The following FAM135B variants were observed in gnomAD, a reference collection of about 807,000 sequenced individuals.
FAM135B encodes the protein protein FAM135B.
In FAM135B, 43 loss-of-function variants were observed where a neutral mutation model predicts 127.7. The observed-to-expected ratio is 0.34, with a 90% confidence interval of 0.26 to 0.43. The LOEUF (loss-of-function observed/expected upper bound fraction) is 0.43. Among genes scored for constraint, FAM135B ranks in the 20% least tolerant of loss-of-function variants. The pLI is 1.00. For synonymous variants in FAM135B, 670 were observed against 665.1 expected, an observed-to-expected ratio of 1.01 and a Z score of -0.11; for missense variants, 1,558 against 1,725.6, an observed-to-expected ratio of 0.90 and a Z score of 1.72.
At chr8:138,167,283 C>A (rs185565959) in intron 12 of FAM135B, among the ~76,000 whole-genome samples, 2 of 152,236 alleles carry the variant, frequency 1.3e-5, no homozygotes, top group Non-Finnish European at 2.9e-5. Context: ...GCAACCTCTG[C>A]CTCTTGGGAT....
chr8:138,268,222 G>A (rs1317065799), intron 3 of FAM135B, among the ~76,000 whole-genome samples: 7 of 152,172 alleles, frequency 4.6e-5, no homozygotes, highest in African/African-American at 7.2e-5. Flanking sequence ...GACCAGGCAC[G>A]CTCTGGGCAT....
chr8:138,164,231 A>C (rs187307828), intron 12 of FAM135B, among the ~76,000 whole-genome samples: 32 of 152,262 alleles, frequency 2.1e-4, no homozygotes, highest in African/African-American at 7.7e-4. Flanking sequence ...TCCAGTATGG[A>C]GAAGGGGTAC....
At chr8:138,436,801 T>A (rs1026066460) in intron 1 of FAM135B, 10 of 152,190 alleles carry the variant, frequency 6.6e-5, no homozygotes, top group African/African-American at 1.4e-4. Flanking sequence ...CCTTTAAGAT[T>A]TCTGAGTCTT....
chr8:138,374,365 T>C (rs1403171938), intron 1 of FAM135B, among the ~76,000 whole-genome samples: 1 of 152,218 alleles, frequency 6.6e-6, no homozygotes, highest in African/African-American at 2.4e-5. Context: ...GTATTAAAAA[T>C]GTTCTCATTG....
chr8:138,430,923 T>C (rs1310688387), intron 1 of FAM135B, among the ~76,000 whole-genome samples: 3 of 152,172 alleles, frequency 2.0e-5, no homozygotes, highest in Admixed American at 2.0e-4. Context: ...AAAATGGGAA[T>C]ACCACCACGA....
At chr8:138,354,153 C>T (rs1485568569) in intron 2 of FAM135B, among the ~76,000 whole-genome samples, 1 of 152,028 alleles carries the variant, frequency 6.6e-6, no homozygotes, top group Non-Finnish European at 1.5e-5. Flanking sequence ...TCTAATGTGT[C>T]ATTTCTGTTA....
chr8:138,395,051 C>T (rs909262653), intron 1 of FAM135B, among the ~76,000 whole-genome samples: 1 of 152,182 alleles, frequency 6.6e-6, no homozygotes, highest in Non-Finnish European at 1.5e-5. Context: ...CTCTGTTTAA[C>T]CCAGCCCCTG....
intron 7 of FAM135B, among the ~76,000 whole-genome samples, chr8:138,231,513 T>TA (rs1216846253): frequency 1.2e-3 from 183 of 152,260 alleles, no homozygotes; most frequent in African/African-American, 4.3e-3. Flanking sequence ...TAATATAACA[T>TA]TTTATTAAGG....
intron 6 of FAM135B, among the ~76,000 whole-genome samples, chr8:138,250,491 G>A (rs1419969363): frequency 2.0e-5 from 3 of 152,118 alleles, no homozygotes; most frequent in Admixed American, 6.5e-5. Context: ...AAAATCTTAC[G>A]TAGATGGGAC....
intron 1 of FAM135B, among the ~76,000 whole-genome samples, chr8:138,435,741 G>A (rs1157769006): frequency 1.3e-5 from 2 of 152,066 alleles, no homozygotes; most frequent in East Asian, 1.9e-4. Flanking sequence ...ATATTTGAAG[G>A]TCACAACTTG....
Position 138,194,095 on chromosome 8 carries a change from A to C in FAM135B, c.873+1163T>G, listed in dbSNP as rs192642847. ...CCCAAGTGTGGACATTAGGCCTTTG[A>C]CTCGTCTCAGTGGCCTTTACACACT... On this transcript the variant is annotated intron_variant, in intron 9 of 19. Coordinates refer to ENST00000395297, the MANE Select transcript of FAM135B (RefSeq NM_015912.4). Among the ~76,000 whole-genome samples the C allele has an allele frequency of 3.3e-5, 5 of 151,630 alleles. No homozygotes were observed. The East Asian group carries it at 5.8e-4, about 18-fold the overall frequency.
intron 1 of FAM135B, among the ~76,000 whole-genome samples, chr8:138,413,680 C>T (rs1297144427): frequency 6.6e-6 from 1 of 152,202 alleles, no homozygotes; most frequent in Non-Finnish European, 1.5e-5. Context: ...ACAATTTCAA[C>T]ATAAATCTGA....
At chr8:138,207,358 A>G (rs1247435122) in intron 7 of FAM135B, among the ~76,000 whole-genome samples, 3 of 151,616 alleles carry the variant, frequency 2.0e-5, no homozygotes, top group Non-Finnish European at 4.4e-5. Flanking sequence ...ACAGGCTCCC[A>G]TCACCACACC....
chr8:138,286,794 C>T (rs146392587), intron 3 of FAM135B, among the ~76,000 whole-genome samples: 5 of 152,112 alleles, frequency 3.3e-5, no homozygotes, highest in African/African-American at 4.8e-5. Context: ...CAGGGAGCCT[C>T]GGGAGGAGAG....
chr8:138,208,486 A>T (rs1817883986), intron 7 of FAM135B, among the ~76,000 whole-genome samples: 1 of 152,194 alleles, frequency 6.6e-6, no homozygotes, highest in African/African-American at 2.4e-5. Context: ...TTTTATCAGC[A>T]TTTTTAAAAA....
At chr8:138,206,290 G>C (rs796098587) in intron 7 of FAM135B, among the ~76,000 whole-genome samples, 1 of 25,484 alleles carries the variant, frequency 3.9e-5, no homozygotes, top group East Asian at 1.2e-3. Context: ...CCTACGCACA[G>C]CTCTATCATC....
rs1820844316 is a variant in FAM135B, at chr8:138,242,164, TTTGTGTGTGTGTG to T, written c.669+765_669+777del. Among the ~76,000 whole-genome samples the T allele has an allele frequency of 7.4e-6, 1 of 135,208 alleles. No homozygotes were observed. Among genetic ancestry groups the T allele is most frequent in the Non-Finnish European group, 1.6e-5 (1 of 63,844 alleles). 88.7% of individuals were successfully genotyped at this position (135,208 alleles called of 152,430 possible). ...GAGTCAATTACTTATGATAAATCTC[TTTGTGTGTGTGTG>T]TGTGTGTGTGTGTGTGTGTGTGTGT... On this transcript the variant is annotated intron_variant, in intron 7 of 19. Transcript: ENST00000395297. This position sits in a 1 kb window ranked among gnomAD's most constrained non-coding sequence, Gnocchi z 9.6.
intron 12 of FAM135B, among the ~76,000 whole-genome samples, chr8:138,165,613 C>T (rs74669761): frequency 0.019 from 2,937 of 152,198 alleles, 89 homozygotes; most frequent in African/African-American, 0.066. Flanking sequence ...AATTTCTTCT[C>T]CAACAGTTCA....
intron 2 of FAM135B, among the ~76,000 whole-genome samples, chr8:138,327,282 A>G (rs1827855487): frequency 6.6e-6 from 1 of 152,224 alleles, no homozygotes; most frequent in African/African-American, 2.4e-5. Flanking sequence ...GTCACATTCT[A>G]TCTGGACAAT....
Sources: gnomAD v4.1 joint callset for allele counts (sites outside exome capture counted in the v4.1 genomes callset) on GRCh38, gnomAD v4.1.1 for gene constraint, Gnocchi (gnomAD v3.1) non-coding constraint, MANE v1.5 for transcripts, NCBI Gene and HGNC (gene_info 2026-07-23, HGNC 2026-07-21) for gene names.